TENM3: variants seen among roughly 807,000 people sequenced by gnomAD.
TENM3 encodes teneurin-3.
TENM3 carries 63 observed loss-of-function variants against 255.1 expected under a neutral mutation model. The observed-to-expected ratio is 0.25, with a 90% CI of 0.20 to 0.30. The LOEUF is 0.30. Among genes scored for constraint, TENM3 ranks in the 10% least tolerant of loss-of-function variants. The probability of loss-of-function intolerance (pLI) is 1.00; values close to 1 mark genes in which losing one functional copy is unlikely to be tolerated. For missense variants in TENM3, 2,929 were observed against 3,461.1 expected (o/e 0.85, Z 3.86); for synonymous variants, 1,306 against 1,322.3 (o/e 0.99, Z 0.27).
intron 3 of TENM3, among the ~76,000 whole-genome samples, chr4:182,588,571 T>G (rs1434097996): frequency 1.3e-5 from 2 of 152,196 alleles, no homozygotes; most frequent in African/African-American, 4.8e-5. Context: ...TTGATTTATG[T>G]CAGTTCTTTA....
chr4:181,937,706 A>G, the TENM3 span, among the ~76,000 whole-genome samples: 8 of 152,184 alleles, frequency 5.3e-5, no homozygotes, highest in African/African-American at 1.9e-4. Flanking sequence ...ATTCTTTACT[A>G]TAAATTGAGT....
chr4:181,580,388 C>A, the TENM3 span, among the ~76,000 whole-genome samples: 1 of 152,178 alleles, frequency 6.6e-6, no homozygotes, highest in Non-Finnish European at 1.5e-5. Flanking sequence ...CTCCATCTGC[C>A]ACCCCAACCC....
intron 1 of TENM3, among the ~76,000 whole-genome samples, chr4:182,291,677 G>A (rs1043690513): frequency 2.6e-5 from 4 of 152,126 alleles, no homozygotes; most frequent in Admixed American, 6.5e-5. Flanking sequence ...TCACAGAAAC[G>A]AAAGCCAGCT....
the TENM3 span, among the ~76,000 whole-genome samples, chr4:181,533,716 C>T: frequency 3.8e-4 from 58 of 151,856 alleles, no homozygotes; most frequent in African/African-American, 1.3e-3. Context: ...TATTGCATGC[C>T]TATACCCCTG....
the TENM3 span, among the ~76,000 whole-genome samples, chr4:181,893,491 ACCCC>A: frequency 2.0e-4 from 5 of 24,912 alleles, no homozygotes; most frequent in Non-Finnish European, 3.8e-4. Context: ...TCCCCTGCCC[ACCCC>A]CCCCCCACCC....
At chr4:182,290,660 G>A (rs1358064698) in intron 1 of TENM3, among the ~76,000 whole-genome samples, 1 of 150,372 alleles carries the variant, frequency 6.7e-6, no homozygotes, top group Non-Finnish European at 1.5e-5. Flanking sequence ...CCGCCACCAC[G>A]CCCAGCTAAT....
At chr4:182,555,428 G>T (rs1742486125) in intron 3 of TENM3, among the ~76,000 whole-genome samples, 1 of 152,108 alleles carries the variant, frequency 6.6e-6, no homozygotes, top group Non-Finnish European at 1.5e-5. Context: ...CCTAGAAGTA[G>T]CAGTGGATGC....
the TENM3 span, among the ~76,000 whole-genome samples, chr4:181,731,518 G>A: frequency 6.6e-6 from 1 of 151,952 alleles, no homozygotes; most frequent in Non-Finnish European, 1.5e-5. Flanking sequence ...CACCCAGCTA[G>A]TTTTTTATAT....
chr4:181,684,858 A>G, the TENM3 span, among the ~76,000 whole-genome samples: 1 of 140,670 alleles, frequency 7.1e-6, no homozygotes, highest in Non-Finnish European at 1.5e-5. Flanking sequence ...GGGCTCAAGT[A>G]TTCTTCCCCA....
At chr4:181,453,200 C>T in the TENM3 span, among the ~76,000 whole-genome samples, 1 of 152,104 alleles carries the variant, frequency 6.6e-6, no homozygotes, top group Non-Finnish European at 1.5e-5. Flanking sequence ...CAAATGAGGC[C>T]ATGGGTATTA....
chr4:182,167,375 CAG>C (rs1394878801), intron 1 of TENM3, among the ~76,000 whole-genome samples: 5 of 152,050 alleles, frequency 3.3e-5, no homozygotes, highest in East Asian at 3.9e-4. Context: ...GAATGAATAA[CAG>C]AAAGTTGGAA....
At chr4:182,626,740 TGG>T (rs1561024476) in intron 4 of TENM3, among the ~76,000 whole-genome samples, 1 of 152,098 alleles carries the variant, frequency 6.6e-6, no homozygotes, top group South Asian at 2.1e-4. Context: ...AGTAGTTCAG[TGG>T]GGGGAGATGG....
intron 3 of TENM3, among the ~76,000 whole-genome samples, chr4:182,460,873 C>T (rs1485654737): frequency 6.6e-6 from 1 of 152,072 alleles, no homozygotes; most frequent in Non-Finnish European, 1.5e-5. Context: ...TATTTAACTG[C>T]AGTCTATTTT....
chr4:181,902,116 TACAC>T, the TENM3 span, among the ~76,000 whole-genome samples: 116,496 of 147,700 alleles, frequency 0.79, 45,940 homozygotes, highest in Admixed American at 0.82. Context: ...CATGTGAGCA[TACAC>T]ACACACACAC....
At chr4:181,652,877 C>G in the TENM3 span, among the ~76,000 whole-genome samples, 1 of 152,190 alleles carries the variant, frequency 6.6e-6, no homozygotes, top group Admixed American at 6.5e-5. Flanking sequence ...TCTTCACACA[C>G]GAACTGCTGT....
chr4:181,564,031 TTCTTTTTTC>T, the TENM3 span, among the ~76,000 whole-genome samples: 11,921 of 130,322 alleles, frequency 0.091, 607 homozygotes, highest in Middle Eastern at 0.17. Context: ...TTCTTTTCTT[TTCTTTTTTC>T]TTTTTTTTTT....
the TENM3 span, among the ~76,000 whole-genome samples, chr4:181,687,938 C>T: frequency 5.9e-5 from 9 of 151,816 alleles, no homozygotes; most frequent in African/African-American, 1.9e-4. Flanking sequence ...TAAGCATATT[C>T]GATAAATAAT....
intron 4 of TENM3, among the ~76,000 whole-genome samples, chr4:182,621,614 A>AAT (rs1750158860): frequency 1.5e-5 from 1 of 68,132 alleles, no homozygotes; most frequent in African/African-American, 5.4e-5. Flanking sequence ...AATATATATA[A>AAT]ATATATATAT....
chr4:181,843,716 CTT>C, the TENM3 span, among the ~76,000 whole-genome samples: 267 of 104,670 alleles, frequency 2.6e-3, no homozygotes, highest in African/African-American at 7.8e-3. Flanking sequence ...TAAGGGCCTT[CTT>C]TTTTTTTTTT....
Sources: gnomAD v4.1 joint callset for allele counts (sites outside exome capture counted in the v4.1 genomes callset) on GRCh38, gnomAD v4.1.1 for gene constraint, MANE v1.5 for transcripts, NCBI Gene and HGNC (gene_info 2026-07-23, HGNC 2026-07-21) for gene names.